Variants in GRIA1 observed in about 807,000 individuals in gnomAD.
GRIA1 encodes glutamate ionotropic receptor AMPA type subunit 1.
In GRIA1, 31 loss-of-function variants were observed where a neutral mutation model predicts 99.2. That is an observed-to-expected ratio of 0.31 (90% CI 0.23 to 0.42). GRIA1 has a LOEUF of 0.42. Ranked by LOEUF, GRIA1 falls within the 10% of genes least tolerant of loss-of-function variation. The pLI is 1.00. For synonymous variants in GRIA1, 438 were observed against 432.4 expected, an observed-to-expected ratio of 1.01 and a Z score of -0.16; for missense variants, 782 against 1,157.5, an observed-to-expected ratio of 0.68 and a Z score of 4.71.
intron 13 of GRIA1, among the ~76,000 whole-genome samples, chr5:153,780,055 C>T (rs1764533088): frequency 6.6e-6 from 1 of 152,208 alleles, no homozygotes; most frequent in South Asian, 2.1e-4. Flanking sequence ...TGAAGCACTG[C>T]TCCTCCTGCT....
At chr5:153,495,095 ATTCT>A (rs964034851) in intron 2 of GRIA1, among the ~76,000 whole-genome samples, 1 of 152,240 alleles carries the variant, frequency 6.6e-6, no homozygotes, top group African/African-American at 2.4e-5. Context: ...AGAAGTCAGA[ATTCT>A]TTCTATCCCA....
intron 2 of GRIA1, among the ~76,000 whole-genome samples, chr5:153,559,703 A>G (rs978326839): frequency 4.6e-5 from 7 of 152,188 alleles, no homozygotes; most frequent in African/African-American, 1.7e-4. Flanking sequence ...TGGCAGAGAT[A>G]TTACTAGACA....
At chr5:153,618,536 A>G (rs1322501519) in intron 2 of GRIA1, among the ~76,000 whole-genome samples, 1 of 152,164 alleles carries the variant, frequency 6.6e-6, no homozygotes, top group Non-Finnish European at 1.5e-5. Context: ...CAGAAAGAGG[A>G]GTGACAGCTG....
At chr5:153,629,932 T>G (rs902504528) in intron 2 of GRIA1, among the ~76,000 whole-genome samples, 7 of 152,212 alleles carry the variant, frequency 4.6e-5, no homozygotes, top group African/African-American at 1.7e-4. Flanking sequence ...GTTGAATTGA[T>G]AAATTTACTT....
chr5:153,564,621 C>T (rs1761456679), intron 2 of GRIA1, among the ~76,000 whole-genome samples: 1 of 152,174 alleles, frequency 6.6e-6, no homozygotes, highest in Non-Finnish European at 1.5e-5. Flanking sequence ...AAGGCCTCTG[C>T]ATTGGGCCTG....
At chr5:153,795,211 G>T (rs1293028749) in intron 14 of GRIA1, among the ~76,000 whole-genome samples, 1 of 152,160 alleles carries the variant, frequency 6.6e-6, no homozygotes, top group African/African-American at 2.4e-5. Context: ...ACTTGGGCCA[G>T]TATCTTCAGC....
chr5:153,554,998 C>G (rs987122692), intron 2 of GRIA1, among the ~76,000 whole-genome samples: 7 of 152,128 alleles, frequency 4.6e-5, no homozygotes, highest in South Asian at 4.1e-4. Context: ...CAGAAGGAGG[C>G]TCTCCATTTG....
intron 2 of GRIA1, among the ~76,000 whole-genome samples, chr5:153,535,526 G>A (rs573029994): frequency 1.3e-5 from 2 of 152,334 alleles, no homozygotes; most frequent in East Asian, 3.9e-4. Context: ...GAACAAGCAG[G>A]TGCTAGAAAA....
At chr5:153,587,950 T>C (rs539104211) in intron 2 of GRIA1, among the ~76,000 whole-genome samples, 4 of 152,262 alleles carry the variant, frequency 2.6e-5, no homozygotes, top group African/African-American at 7.2e-5. Flanking sequence ...GCATTTGACA[T>C]AATCAGGAAC....
At chr5:153,769,218 G>A (rs981771525) in intron 12 of GRIA1, among the ~76,000 whole-genome samples, 1 of 152,114 alleles carries the variant, frequency 6.6e-6, no homozygotes, top group Non-Finnish European at 1.5e-5. Flanking sequence ...GACCATACAG[G>A]CCATACAGAT....
At chr5:153,615,232 A>T (rs1316004070) in intron 2 of GRIA1, among the ~76,000 whole-genome samples, 1 of 152,198 alleles carries the variant, frequency 6.6e-6, no homozygotes, top group Non-Finnish European at 1.5e-5. Context: ...CTTACTAAGT[A>T]CTCGTTATTA....
intron 7 of GRIA1, among the ~76,000 whole-genome samples, chr5:153,678,261 C>T (rs959531642): frequency 6.6e-6 from 1 of 152,184 alleles, no homozygotes; most frequent in African/African-American, 2.4e-5. Flanking sequence ...GTTTGCCAAC[C>T]ACACGTGCAC....
At position 153,569,011 on chromosome 5, in the gene GRIA1, C is replaced by T. The variant is rs142062636; in HGVS notation, c.220+74946C>T. On this transcript the variant is annotated intron_variant, in intron 2 of 15. Transcript: ENST00000285900. ...CTTCCATCAGTGATGTCAAATCTAC[C>T]CAGTTGCCTACCCAGGTTCTACGGC... Among the ~76,000 whole-genome samples the T allele has an allele frequency of 1.6e-3, 251 of 152,296 alleles. 1 individual carries two copies. The highest frequency in any genetic ancestry group is 5.9e-3 in the African/African-American group (244 of 41,568).
At chr5:153,778,676 CACACACACACAT>C (rs1764436391) in intron 13 of GRIA1, among the ~76,000 whole-genome samples, 1 of 151,754 alleles carries the variant, frequency 6.6e-6, no homozygotes, top group South Asian at 2.1e-4. Context: ...CACACACACA[CACACACACACAT>C]ACACGCACAC....
At chr5:153,584,749 G>T (rs934910252) in intron 2 of GRIA1, among the ~76,000 whole-genome samples, 5 of 152,164 alleles carry the variant, frequency 3.3e-5, no homozygotes, top group Admixed American at 2.0e-4. Flanking sequence ...GGAATGTCAT[G>T]TTTTGAAATG....
intron 2 of GRIA1, among the ~76,000 whole-genome samples, chr5:153,562,050 A>G (rs978783232): frequency 1.3e-5 from 2 of 152,198 alleles, no homozygotes; most frequent in African/African-American, 2.4e-5. Flanking sequence ...GAGGGTGGAA[A>G]GATGCATTGG....
intron 3 of GRIA1, among the ~76,000 whole-genome samples, chr5:153,647,390 C>T (rs1754231597): frequency 6.6e-6 from 1 of 152,136 alleles, no homozygotes; most frequent in Non-Finnish European, 1.5e-5. Context: ...CTCTACAGCT[C>T]ACTAAGCTTT....
chr5:153,603,032 A>G (rs369682225), intron 2 of GRIA1, among the ~76,000 whole-genome samples: 23 of 152,264 alleles, frequency 1.5e-4, no homozygotes, highest in African/African-American at 5.5e-4. Context: ...TTAACTTGTC[A>G]TTTAGCATTA....
chr5:153,766,791 T>C (rs1763546490), intron 12 of GRIA1, among the ~76,000 whole-genome samples: 2 of 152,216 alleles, frequency 1.3e-5, no homozygotes, highest in Non-Finnish European at 2.9e-5. Flanking sequence ...AAAATGGTCA[T>C]GCCCTACCTA....
Sources: allele counts gnomAD v4.1 joint callset (sites outside exome capture counted in the v4.1 genomes callset), GRCh38; gene constraint gnomAD v4.1.1; transcripts MANE v1.5; gene names NCBI Gene and HGNC (gene_info 2026-07-23, HGNC 2026-07-21).